The following WDFY4 variants were observed in gnomAD, a reference collection of about 807,000 sequenced individuals.
The protein encoded by WDFY4 is WDFY family member 4, also known as WD repeat- and FYVE domain-containing protein 4.
In WDFY4, 169 loss-of-function variants were observed where a neutral mutation model predicts 351.9. The observed-to-expected ratio is 0.48, with a 90% CI of 0.42 to 0.55. The LOEUF (loss-of-function observed/expected upper bound fraction) is 0.55, where lower values mean the gene tolerates loss of function less well. Ranked by LOEUF, WDFY4 falls within the 20% of genes least tolerant of loss-of-function variation. The pLI is 0.00. For missense variants in WDFY4, 3,803 were observed against 3,935.6 expected, an observed-to-expected ratio of 0.97 and a Z score of 0.90; for synonymous variants, 1,622 against 1,574.6, an observed-to-expected ratio of 1.03 and a Z score of -0.71.
chr10:48,769,836 G>A (rs2065800680), intron 13 of WDFY4, among the ~76,000 whole-genome samples: 1 of 152,246 alleles, frequency 6.6e-6, no homozygotes, highest in South Asian at 2.1e-4. Context: ...TTAAAGGCTA[G>A]GTCGTTAAGT....
intron 24 of WDFY4, 106 bp downstream of exon 24, chr10:48,796,556 T>C (rs2132796093): frequency 7.0e-7 from 1 of 1,432,018 alleles, no homozygotes; most frequent in Non-Finnish European, 9.3e-7. Context: ...CTCATAGTCA[T>C]GATGGTAGGG....
intron 8 of WDFY4, 115 bp from the exon 9 acceptor site, chr10:48,730,995 T>G: frequency 8.6e-7 from 1 of 1,163,966 alleles, no homozygotes; most frequent in Non-Finnish European, 1.2e-6. Context: ...CATGTGCCCA[T>G]AGGAGTTAGA....
intron 19 of WDFY4, 81 bp downstream of exon 19, chr10:48,780,200 A>G (rs2066173782): frequency 6.8e-7 from 1 of 1,472,418 alleles, no homozygotes; most frequent in Admixed American, 2.1e-5. Flanking sequence ...GTTTCATTCT[A>G]TGTTTTTGTT....
intron 1 of WDFY4, among the ~76,000 whole-genome samples, chr10:48,697,551 C>T (rs1187726906): frequency 6.6e-6 from 1 of 152,210 alleles, no homozygotes; most frequent in Non-Finnish European, 1.5e-5. Context: ...TGCAGGTGTG[C>T]ATCTAACAAA....
rs114874428 is a variant in WDFY4 at position 48,692,917 on chromosome 10, G to A, written c.-18+7916G>A. On this transcript the variant is annotated intron_variant, in intron 1 of 61. Transcript: ENST00000325239. ...CTTCTAATGGCAGGATGGCCCAATAGTGGGAGCAGTTTGAAAGTGGAGAGG... is the reference window on the plus strand; with the variant it reads ...CTTCTAATGGCAGGATGGCCCAATAATGGGAGCAGTTTGAAAGTGGAGAGG... Among the ~76,000 whole-genome samples, 1,328 of 152,324 alleles carry A rather than the reference G, an allele frequency of 8.7e-3. 21 individuals are homozygous for A. Among genetic ancestry groups the A allele is most frequent in the African/African-American group, 0.03 (1,265 of 41,568 alleles).
chr10:48,943,749 T>A (rs1489106369), intron 49 of WDFY4, among the ~76,000 whole-genome samples: 2 of 152,186 alleles, frequency 1.3e-5, no homozygotes, highest in Non-Finnish European at 2.9e-5. Context: ...TGCACCACCA[T>A]GCCTGGCTAA....
intron 52 of WDFY4, 79 bp from the exon 53 acceptor site, chr10:48,959,643 G>A: frequency 7.7e-7 from 1 of 1,301,416 alleles, no homozygotes. Flanking sequence ...AGCAATCCTG[G>A]GCAATGTGTA....
At chr10:48,773,852 C>T (rs2065944134) in intron 13 of WDFY4, among the ~76,000 whole-genome samples, 1 of 152,160 alleles carries the variant, frequency 6.6e-6, no homozygotes. Context: ...GTAAGTGGTA[C>T]TTCTTTTAGT....
chr10:48,787,898 TTCTTCTTCTTCTTCTTC>T (rs2066500596), intron 20 of WDFY4, among the ~76,000 whole-genome samples: 88 of 29,470 alleles, frequency 3.0e-3, no homozygotes, highest in South Asian at 7.0e-3. Flanking sequence ...CTTCTCCTTC[TTCTTCTTCTTCTTCTTC>T]TTCTTCTTCT....
chr10:48,694,782 C>T (rs1014525038), intron 1 of WDFY4, among the ~76,000 whole-genome samples: 11 of 152,160 alleles, frequency 7.2e-5, no homozygotes, highest in African/African-American at 2.7e-4. Flanking sequence ...CCCGGGGTGC[C>T]TGTCCACTTA....
intron 57 of WDFY4, among the ~76,000 whole-genome samples, chr10:48,971,673 C>A (rs1008436298): frequency 2.0e-5 from 3 of 152,124 alleles, no homozygotes; most frequent in African/African-American, 7.2e-5. Context: ...CTCCTGGTGC[C>A]ATGCAGGGCA....
intron 47 of WDFY4, among the ~76,000 whole-genome samples, chr10:48,933,826 A>G (rs762017752): frequency 6.6e-6 from 1 of 152,118 alleles, no homozygotes; most frequent in Non-Finnish European, 1.5e-5. Flanking sequence ...TGGAAACATC[A>G]TCTAGCTTTC....
intron 1 of WDFY4, among the ~76,000 whole-genome samples, chr10:48,689,601 T>A (rs1014406493): frequency 6.6e-6 from 1 of 152,254 alleles, no homozygotes; most frequent in African/African-American, 2.4e-5. Flanking sequence ...AAATTACACA[T>A]GTGGCTGGAA....
At chr10:48,823,300 T>C in intron 35 of WDFY4, 5 of 1,286,008 alleles carry the variant, frequency 3.9e-6, no homozygotes, top group Non-Finnish European at 5.1e-6. Context: ...CAGGGGGATG[T>C]CTGTGATTCT....
chr10:48,884,753 C>T (rs1389676351), intron 43 of WDFY4, among the ~76,000 whole-genome samples: 1 of 152,180 alleles, frequency 6.6e-6, no homozygotes, highest in Non-Finnish European at 1.5e-5. Context: ...CTCCTAACTC[C>T]AGACTTGGAG....
chr10:48,895,188 C>T (rs1002813159), intron 44 of WDFY4, among the ~76,000 whole-genome samples: 2 of 152,206 alleles, frequency 1.3e-5, no homozygotes, highest in Admixed American at 1.3e-4. Flanking sequence ...CAAGTCGAAG[C>T]TCTTAGTACT....
At chr10:48,844,186 T>A (rs1489703947) in intron 39 of WDFY4, among the ~76,000 whole-genome samples, 1 of 152,216 alleles carries the variant, frequency 6.6e-6, no homozygotes, top group East Asian at 1.9e-4. Flanking sequence ...GTTCTGAAAT[T>A]TTCTTCTCTT....
chr10:48,700,798 C>A (rs956464308), intron 1 of WDFY4, among the ~76,000 whole-genome samples: 1 of 152,166 alleles, frequency 6.6e-6, no homozygotes, highest in African/African-American at 2.4e-5. Flanking sequence ...TCAATAGATG[C>A]TATTATCGTT....
rs1468371436 is a variant in WDFY4 at position 48,734,021 on chromosome 10, C to T, written c.1673C>T (p.Ser558Leu). Residue 558 changes from serine to leucine, a missense_variant, in exon 10 of 62, where the codon TCG becomes TTG. Physicochemically the swap from Ser to Leu is moderately radical, Grantham distance 145. Transcript: ENST00000325239. ...ATTGTAGTCACACTTCTGAAAGGCT[C>T]GGTGAGGAATGCAGGTAAGGATGGT... ...LRIVVTLLKG[S>L]VRNAVVLKDH... The T allele has an allele frequency of 3.2e-6, 5 of 1,552,012 alleles. No homozygotes were observed. The highest frequency in any genetic ancestry group is 1.4e-5 in the African/African-American group (1 of 73,150).
Sources: allele counts gnomAD v4.1 joint callset (sites outside exome capture counted in the v4.1 genomes callset), GRCh38; gene constraint gnomAD v4.1.1; transcripts MANE v1.5; gene names NCBI Gene and HGNC (gene_info 2026-07-23, HGNC 2026-07-21).